PAX5: variants seen among roughly 807,000 people sequenced by gnomAD.
The protein encoded by PAX5 is paired box 5, also known as paired box protein Pax-5.
Under a neutral mutation model 43.7 loss-of-function variants are expected in PAX5, and 9 were observed. The ratio of observed to expected loss-of-function variants is 0.21; its 90% CI spans 0.12 to 0.36. The LOEUF (loss-of-function observed/expected upper bound fraction) is 0.36. PAX5 is among the 10% of genes least tolerant of loss of function. PAX5 has a pLI of 1.00. For missense variants in PAX5, 383 were observed against 532.7 expected, an observed-to-expected ratio of 0.72 and a Z score of 2.77; for synonymous variants, 228 against 214.3, an observed-to-expected ratio of 1.06 and a Z score of -0.56.
intron 8 of PAX5, among the ~76,000 whole-genome samples, chr9:36,870,703 C>A (rs1334845050): frequency 6.6e-6 from 1 of 152,232 alleles, no homozygotes; most frequent in Non-Finnish European, 1.5e-5. Context: ...CCCAGGGCCT[C>A]TCCAGGGCCC....
chr9:36,964,594 C>CAAA (rs745521933), intron 6 of PAX5, among the ~76,000 whole-genome samples: 2 of 49,652 alleles, frequency 4.0e-5, no homozygotes, highest in Admixed American at 2.2e-4. Flanking sequence ...CTCCAGCTCA[C>CAAA]AAAAAAAAAA....
chr9:36,943,152 C>T (rs1707610158), intron 6 of PAX5, among the ~76,000 whole-genome samples: 1 of 152,184 alleles, frequency 6.6e-6, no homozygotes, highest in African/African-American at 2.4e-5. Flanking sequence ...CTTTTCTTCC[C>T]ATTCCCTGGG....
intron 6 of PAX5, chr9:36,930,772 C>A (rs1831058189): frequency 8.7e-7 from 1 of 1,142,960 alleles, no homozygotes; most frequent in Admixed American, 2.4e-5. Context: ...AGGAGAGGGA[C>A]ACCACTTTGG....
rs751727829 is a variant in PAX5 at position 37,006,552 on chromosome 9, A to C, written c.411-15T>G. On this transcript the variant is annotated splice_polypyrimidine_tract_variant and intron_variant, in intron 3 of 9. Transcript: ENST00000358127. ...TCCGGATGATCCTGTGGGCAGTTGA[A>C]AAACAAAATTGCTATTTACCATCAG... 10 of 1,611,190 alleles carry C rather than the reference A, an allele frequency of 6.2e-6. No homozygotes were observed. In the Admixed American group the frequency reaches 1.2e-4, roughly 19 times the overall value.
intron 5 of PAX5, among the ~76,000 whole-genome samples, chr9:36,971,893 C>A (rs568503413): frequency 6.6e-6 from 1 of 152,330 alleles, no homozygotes; most frequent in South Asian, 2.1e-4. Context: ...TCCCATCTGT[C>A]AAGAGAAAGC....
intron 7 of PAX5, among the ~76,000 whole-genome samples, chr9:36,901,852 G>A (rs1828423135): frequency 1.3e-5 from 2 of 152,166 alleles, no homozygotes; most frequent in African/African-American, 4.8e-5. Context: ...ATGGTAGGAG[G>A]ATCTGAAAAA....
At chr9:36,995,359 C>T (rs963030105) in intron 5 of PAX5, among the ~76,000 whole-genome samples, 5 of 152,072 alleles carry the variant, frequency 3.3e-5, no homozygotes, top group East Asian at 1.9e-4. Context: ...GGCCTGGAGA[C>T]GGGAAGCTGA....
At chr9:37,027,929 CGCTGGACTAAG>C (rs1840594385) in intron 1 of PAX5, among the ~76,000 whole-genome samples, 1 of 152,250 alleles carries the variant, frequency 6.6e-6, no homozygotes, top group Non-Finnish European at 1.5e-5. Flanking sequence ...TTGACAAACG[CGCTGGACTAAG>C]GCCTAGTGGA....
At chr9:36,974,739 A>C (rs1451900316) in intron 5 of PAX5, among the ~76,000 whole-genome samples, 1 of 152,084 alleles carries the variant, frequency 6.6e-6, no homozygotes, top group Non-Finnish European at 1.5e-5. Flanking sequence ...CCTGGCAGAG[A>C]GTTTAGTGTC....
intron 7 of PAX5, among the ~76,000 whole-genome samples, chr9:36,914,028 A>G (rs1829531473): frequency 6.6e-6 from 1 of 152,156 alleles, no homozygotes; most frequent in South Asian, 2.1e-4. Flanking sequence ...ACAGTTCTCA[A>G]TGGGGTGGGT....
rs996511193 is a variant in PAX5, at chr9:36,919,066, T to A, written c.910+4289A>T. 2.0e-5 allele frequency among the ~76,000 whole-genome samples: 3 copies of A among 152,372 alleles called. No individual in the cohort carries two copies. The East Asian group carries it at 5.8e-4, about 29-fold the overall frequency. Reference sequence around the variant, plus strand: ...GTCTGACTCTCTTGTTAGGGGCTAATATAGCTGGTGACTTTAAGTTAAAGC... The same window carrying A: ...GTCTGACTCTCTTGTTAGGGGCTAAAATAGCTGGTGACTTTAAGTTAAAGC... On this transcript the variant is annotated intron_variant, in intron 7 of 9. Transcript: ENST00000358127.
intron 6 of PAX5, among the ~76,000 whole-genome samples, chr9:36,932,236 G>T (rs973130935): frequency 6.6e-6 from 1 of 152,188 alleles, no homozygotes; most frequent in Non-Finnish European, 1.5e-5. Flanking sequence ...TCACACCACT[G>T]CACTCCAGTC....
rs114541156 is a variant in PAX5, at chr9:36,915,812, C to T, written c.910+7543G>A. Among the ~76,000 whole-genome samples the T allele has an allele frequency of 7.8e-3, 1,189 of 152,266 alleles. 12 individuals carry two copies. The highest frequency in any genetic ancestry group is 0.027 in the African/African-American group (1,134 of 41,540). On this transcript the variant is annotated intron_variant, in intron 7 of 9. Transcript: ENST00000358127. ...CCAGGCCAGGCACAGTTGCTCACTT[C>T]TGTAATCCCAGCACTTTGGGAGGCC... is the stretch of plus-strand genomic sequence containing the variant.
intron 6 of PAX5, among the ~76,000 whole-genome samples, chr9:36,957,951 TTTCCCAGGGGTACCCTCTGGG>T: frequency 6.6e-6 from 1 of 152,222 alleles, no homozygotes; most frequent in South Asian, 2.1e-4. Flanking sequence ...AGGAGGACAT[TTTCCCAGGGGTACCCTCTGGG>T]TGGCAGGAGG....
At chr9:36,990,329 C>G (rs1210590555) in intron 5 of PAX5, among the ~76,000 whole-genome samples, 1 of 152,128 alleles carries the variant, frequency 6.6e-6, no homozygotes, top group Non-Finnish European at 1.5e-5. Flanking sequence ...GGTTGTCTGA[C>G]TCCTAGGTTG....
chr9:36,872,975 T>C (rs886381458), intron 8 of PAX5, among the ~76,000 whole-genome samples: 9 of 152,180 alleles, frequency 5.9e-5, no homozygotes, highest in African/African-American at 1.9e-4. Context: ...CTTTGGTCAC[T>C]CCCAGCTCCC....
chr9:36,907,359 G>A lies in PAX5; in HGVS notation c.910+15996C>T, dbSNP rs573355286. Among the ~76,000 whole-genome samples, 38 of 152,206 alleles carry A rather than the reference G, an allele frequency of 2.5e-4. 1 individual carries two copies. The Middle Eastern group carries it at 0.024, about 95-fold the overall frequency. On this transcript the variant is annotated intron_variant, in intron 7 of 9. Coordinates refer to ENST00000358127, the MANE Select transcript of PAX5 (RefSeq NM_016734.3). ...CTCACTAAACTAAAGCTTCCTCCCC[G>A]TGGCTTCCCCTTGTCCTCCTGGCAG...
chr9:36,834,747 G>C lies in PAX5; in HGVS notation c.*5813C>G, dbSNP rs1309459659. 4 of 232,726 alleles carry C rather than the reference G, an allele frequency of 1.7e-5. No individual in the cohort carries two copies. Among genetic ancestry groups the C allele is most frequent in the African/African-American group, 8.8e-5 (4 of 45,224 alleles). 14.4% of individuals were successfully genotyped at this position (232,726 alleles called of 1,614,324 possible). ...AAAAATCCATCATCCAAAATCACTT[G>C]TTCTTAATGATGCTTTTGGAGAAGA... is the stretch of plus-strand genomic sequence containing the variant. On this transcript the variant is annotated 3_prime_UTR_variant, in exon 10 of 10. Transcript: ENST00000358127.
chr9:37,029,960 ATGG>A, intron 1 of PAX5, among the ~76,000 whole-genome samples: 1 of 152,180 alleles, frequency 6.6e-6, no homozygotes, highest in African/African-American at 2.4e-5. Context: ...CGCTCTCGGG[ATGG>A]TGGGGGAGGG....
Sources: allele counts gnomAD v4.1 joint callset (sites outside exome capture counted in the v4.1 genomes callset), GRCh38; gene constraint gnomAD v4.1.1; transcripts MANE v1.5; gene names NCBI Gene and HGNC (gene_info 2026-07-23, HGNC 2026-07-21).